Variants in HIP1R observed in about 807,000 individuals in gnomAD.
HIP1R encodes huntingtin interacting protein 1 related.
Under a neutral mutation model 144.2 loss-of-function variants are expected in HIP1R, and 135 were observed. The ratio of observed to expected loss-of-function variants is 0.94; its 90% CI spans 0.81 to 1.08. The LOEUF is 1.08. Ranked by LOEUF, HIP1R falls within the 50% of genes least tolerant of loss-of-function variation. The pLI is 0.00. For missense variants in HIP1R, 1,462 were observed against 1,432.8 expected, an observed-to-expected ratio of 1.02 and a Z score of -0.33; for synonymous variants, 698 against 612.8, an observed-to-expected ratio of 1.14 and a Z score of -2.05.
chr12:122,848,529 T>C lies in HIP1R; in HGVS notation c.221T>C (p.Leu74Pro). Reference sequence around the variant, plus strand: ...ACCTTCTGGTCCTACGCCATTGGGCTGCCGCTGCCCAGCAGCTCCATTCTC... The same window carrying C: ...ACCTTCTGGTCCTACGCCATTGGGCCGCCGCTGCCCAGCAGCTCCATTCTC... Reference protein sequence around the residue: ...AFTFWSYAIGLPLPSSSILSW... With the variant: ...AFTFWSYAIGPPLPSSSILSW... Residue 74 changes from leucine (L) to proline (P), a missense_variant, in exon 3 of 32, where the codon CTG becomes CCG. Transcript: ENST00000253083. 1 of 1,613,328 alleles carries C rather than the reference T, an allele frequency of 6.2e-7. No individual in the cohort carries two copies. The highest frequency in any genetic ancestry group is 8.5e-7 in the Non-Finnish European group (1 of 1,179,966).
In HIP1R at chr12:122,836,476, C is replaced by T. The variant is rs1218130275; in HGVS notation, c.93+833C>T. ...TGTACTTGTGTTTGTGCCGGGGACC[C>T]ACGATGCAGACGTTGCTGCGTTTCT... On this transcript the variant is annotated intron_variant, in intron 1 of 31. Transcript: ENST00000253083. The surrounding 1 kb of genome is among the most constrained non-coding windows in gnomAD (Gnocchi z 4.1). Among the ~76,000 whole-genome samples, 1 of 152,162 alleles carries T rather than the reference C, an allele frequency of 6.6e-6. No individual in the cohort carries two copies. The highest frequency in any genetic ancestry group is 2.4e-5 in the African/African-American group (1 of 41,432).
Position 122,860,758 on chromosome 12 carries a change from A to G in HIP1R, c.2740A>G (p.Thr914Ala), listed in dbSNP as rs747135026. 19 of 1,613,036 alleles carry G rather than the reference A, an allele frequency of 1.2e-5. No individual in the cohort carries two copies. Among genetic ancestry groups the G allele is most frequent in the Non-Finnish European group, 1.5e-5 (18 of 1,179,928 alleles). The change falls in exon 28 of 32, where the codon ACG becomes GCG. Residue 914 changes from threonine (T) to alanine (A), a missense_variant. By Grantham distance (58) the Thr-to-Ala change is moderately conservative. This residue lies in a region of HIP1R where 1,112 missense variants were observed against 1,011.7 expected (regional missense o/e 1.10). Transcript: ENST00000253083. The stretch of plus-strand genomic sequence containing the variant: ...CTGCTCCCACGAGATCGCAGCCAGC[A>G]CGGCCCAGCTGGTGGCGGCCTCCAA... ...IVCSHEIAAS[T>A]AQLVAASKVK...
chr12:122,850,941 G>A (rs2271049), intron 6 of HIP1R, 30 bp downstream of exon 6: 1,324,020 of 1,590,786 alleles, frequency 0.83, 552,761 homozygotes, highest in Admixed American at 0.89. Flanking sequence ...TACATAGCCA[G>A]TTCCCCTCGG....
chr12:122,861,576 G>A, intron 31 of HIP1R, 62 bp downstream of exon 31: 1 of 1,571,646 alleles, frequency 6.4e-7, no homozygotes. Flanking sequence ...GCCCTAGAGG[G>A]GCACATGGTG....
chr12:122,847,684 G>A (rs2033248686), intron 1 of HIP1R, among the ~76,000 whole-genome samples: 1 of 152,232 alleles, frequency 6.6e-6, no homozygotes, highest in African/African-American at 2.4e-5. Context: ...GATGGGGCCG[G>A]AGGACACCAC....
Position 122,861,042 on chromosome 12 carries a change from G to A in HIP1R, c.2890+3G>A. On this transcript the variant is annotated splice_donor_region_variant and intron_variant, in intron 29 of 31. Transcript: ENST00000253083. ...CCAGGAGCAGATTGAGGACAGAGGTGAGTGCCAGATGCCAACGGGGGCTGC... is the reference window on the plus strand; with the variant it reads ...CCAGGAGCAGATTGAGGACAGAGGTAAGTGCCAGATGCCAACGGGGGCTGC... 6.2e-7 allele frequency: 1 copy of A among 1,613,686 alleles called. No homozygotes were observed.
At chr12:122,859,568 C>G (rs1290014537) in intron 23 of HIP1R, 32 bp downstream of exon 23, 1 of 1,558,178 alleles carries the variant, frequency 6.4e-7, no homozygotes, top group Non-Finnish European at 8.8e-7. Flanking sequence ...TCCCCTCATT[C>G]CTGTGGAGCT....
chr12:122,858,540 T>C (rs966142282), intron 20 of HIP1R, 105 bp downstream of exon 20: 10 of 943,294 alleles, frequency 1.1e-5, no homozygotes. Flanking sequence ...GGGACCTCTC[T>C]GGGAAGCCAA....
Position 122,860,176 on chromosome 12 carries a change from C to T in HIP1R, c.2525C>T (p.Thr842Ile). Residue 842 changes from threonine (T) to isoleucine (I), a missense_variant, in exon 26 of 32, where the codon ACT becomes ATT. Around this residue, in one of 2 missense-constraint regions of HIP1R, gnomAD observed 1,112 missense variants for 1,011.7 expected, o/e 1.10. Coordinates refer to ENST00000253083, the MANE Select transcript of HIP1R (RefSeq NM_003959.3). ...ATCCGGCTCCTGGTGACGACATCCA[C>T]TAGCCTGCAGAAGGAGATCGTGGAG... ...KAIRLLVTTSTSLQKEIVESG... is the reference protein window; with the variant it reads ...KAIRLLVTTSISLQKEIVESG... The T allele has an allele frequency of 1.9e-6, 3 of 1,572,116 alleles. No homozygotes were observed. Among genetic ancestry groups the T allele is most frequent in the East Asian group, 2.3e-5 (1 of 43,118 alleles).
chr12:122,855,793 G>A lies in HIP1R; in HGVS notation c.1056-38G>A, dbSNP rs1476179055. 3 of 1,547,314 alleles carry A rather than the reference G, an allele frequency of 1.9e-6. 1 individual carries two copies. In the South Asian group the frequency reaches 3.6e-5, roughly 18 times the overall value. The stretch of plus-strand genomic sequence containing the variant: ...CTGTGCTGGGTCTGTTGACTGTTCT[G>A]GTTGACTTAACTTGAACCCCAGGAC... On this transcript the variant is annotated intron_variant, in intron 12 of 31. Coordinates refer to ENST00000253083, the MANE Select transcript of HIP1R (RefSeq NM_003959.3).
chr12:122,835,566 A>G lies in HIP1R; in HGVS notation c.16A>G (p.Asn6Asp). MNSIK[N>D]VPARVLSRRP... is the part of the protein sequence containing the mutation. ...CGGCGGCAGGATGAACAGCATCAAG[A>G]ACGTGCCGGCGCGGGTGCTGAGCCG... The change falls in exon 1 of 32, where the codon AAC becomes GAC. Residue 6 changes from asparagine (N) to aspartate (D), a missense_variant. Around this residue, in one of 2 missense-constraint regions of HIP1R, gnomAD observed 350 missense variants for 421.1 expected, o/e 0.83. Transcript: ENST00000253083. 1 of 1,341,262 alleles carries G rather than the reference A, an allele frequency of 7.5e-7. No homozygotes were observed. Among genetic ancestry groups the G allele is most frequent in the Non-Finnish European group, 9.6e-7 (1 of 1,037,436 alleles). 83.1% of individuals were successfully genotyped at this position (1,341,262 alleles called of 1,614,324 possible). A position where few individuals can be genotyped will look rare whatever the true frequency, so the allele number is the denominator to read the frequency against.
In HIP1R at chr12:122,859,847, TC is replaced by T; in HGVS notation, c.2465+23del. On this transcript the variant is annotated intron_variant, in intron 24 of 31. Coordinates refer to ENST00000253083, the MANE Select transcript of HIP1R (RefSeq NM_003959.3). ...GAACGAGAGGTGAGCCCCCCTTCTG[TC>T]CCCCCAGGCCCAGCCGAGGTGGGCT... 1 of 1,609,346 alleles carries T rather than the reference TC, an allele frequency of 6.2e-7. No homozygotes were observed. The highest frequency in any genetic ancestry group is 8.5e-7 in the Non-Finnish European group (1 of 1,177,980).
Position 122,858,849 on chromosome 12 carries a change from C to G in HIP1R, c.2062C>G (p.Leu688Val). ...YLTSLADASA[L>V]VAALTRFSHL... is the part of the protein sequence containing the mutation. ...ACCCACCCGCACAGACGCCTCCGCC[C>G]TGGTGGCAGCTCTGACCCGCTTCTC... The change falls in exon 21 of 32, where the codon CTG becomes GTG. Residue 688 changes from leucine (L) to valine (V), a missense_variant. Around this residue, in one of 2 missense-constraint regions of HIP1R, gnomAD observed 1,112 missense variants for 1,011.7 expected, o/e 1.10. Coordinates refer to ENST00000253083, the MANE Select transcript of HIP1R (RefSeq NM_003959.3). 6.2e-7 allele frequency: 1 copy of G among 1,613,102 alleles called. No individual in the cohort carries two copies. The highest frequency in any genetic ancestry group is 8.5e-7 in the Non-Finnish European group (1 of 1,179,930).
rs750750674 is a variant in HIP1R at position 122,858,945 on chromosome 12, C to A, written c.2158C>A (p.Arg720Ser). The change falls in exon 21 of 32, where the codon CGC becomes AGC. Residue 720 changes from arginine to serine, a missense_variant and splice_region_variant. By Grantham distance (110) the Arg-to-Ser change is moderately radical. Around this residue, in one of 2 missense-constraint regions of HIP1R, gnomAD observed 1,112 missense variants for 1,011.7 expected, o/e 1.10. Transcript: ENST00000253083. Reference sequence around the variant, plus strand: ...CCTGGCTCCCACCGACCCTGCCGACCGTAAGTGGGTCCTGGGATGGCAGGT... The same window carrying A: ...CCTGGCTCCCACCGACCCTGCCGACAGTAAGTGGGTCCTGGGATGGCAGGT... ...SHLAPTDPAD[R>S]LIDTCRECGA... 3 of 1,612,694 alleles carry A rather than the reference C, an allele frequency of 1.9e-6. No homozygotes were observed. In the South Asian group the frequency reaches 3.3e-5, roughly 18 times the overall value.
rs2032854450 is a variant in HIP1R at position 122,835,482 on chromosome 12, G to A, written c.-69G>A. On this transcript the variant is annotated 5_prime_UTR_variant, in exon 1 of 32. Transcript: ENST00000253083. Reference sequence around the variant, plus strand: ...GCGGTGGCCTCGCGGTGCCTAGGCTGGGGCTGCCGGACCGTGAGGCTGTGA... The same window carrying A: ...GCGGTGGCCTCGCGGTGCCTAGGCTAGGGCTGCCGGACCGTGAGGCTGTGA... 1 of 1,212,438 alleles carries A rather than the reference G, an allele frequency of 8.2e-7. No homozygotes were observed. Among genetic ancestry groups the A allele is most frequent in the East Asian group, 3.8e-5 (1 of 26,606 alleles). 75.1% of individuals were successfully genotyped at this position (1,212,438 alleles called of 1,614,324 possible).
intron 31 of HIP1R, 87 bp downstream of exon 31, chr12:122,861,601 A>G: frequency 1.9e-6 from 3 of 1,566,020 alleles, no homozygotes; most frequent in Non-Finnish European, 2.6e-6. Context: ...TCCCTGGGGA[A>G]GTCAGGGACC....
chr12:122,858,905 C>T lies in HIP1R; in HGVS notation c.2118C>T (p.Gly706=), dbSNP rs375367581. Residue 706 remains glycine, a synonymous_variant, in exon 21 of 32, where the codon GGC becomes GGT. Coordinates refer to ENST00000253083, the MANE Select transcript of HIP1R (RefSeq NM_003959.3). ...SHLAADTIIN[G]GATSHLAPTD... ...TGGCTGCGGATACCATCATCAATGG[C>T]GGTGCCACCTCGCACCTGGCTCCCA... The T allele has an allele frequency of 2.0e-5, 32 of 1,613,114 alleles. No homozygotes were observed. The highest frequency in any genetic ancestry group is 5.3e-5 in the African/African-American group (4 of 74,938).
At chr12:122,843,691 G>A (rs1004459702) in intron 1 of HIP1R, among the ~76,000 whole-genome samples, 6 of 152,162 alleles carry the variant, frequency 3.9e-5, no homozygotes, top group East Asian at 1.9e-4. Flanking sequence ...CCCCTGGGGC[G>A]TGGGTGTGGA....
chr12:122,841,157 G>A (rs2033045379), intron 1 of HIP1R, among the ~76,000 whole-genome samples: 1 of 151,974 alleles, frequency 6.6e-6, no homozygotes, highest in African/African-American at 2.4e-5. Flanking sequence ...GGTAATCTGC[G>A]ATGCTAACTT....
Sources: gnomAD v4.1 joint callset for allele counts (sites outside exome capture counted in the v4.1 genomes callset) on GRCh38, gnomAD v4.1.1 for gene constraint, gnomAD v4.1.1 regional missense constraint, Gnocchi (gnomAD v3.1) non-coding constraint, MANE v1.5 for transcripts, NCBI Gene and HGNC (gene_info 2026-07-23, HGNC 2026-07-21) for gene names.